The following NPAS2 variants were observed in gnomAD, a reference collection of about 807,000 sequenced individuals.
NPAS2 encodes neuronal PAS domain-containing protein 2.
Under a neutral mutation model 107.5 loss-of-function variants are expected in NPAS2, and 23 were observed. The observed-to-expected ratio is 0.21, with a 90% CI of 0.15 to 0.30. NPAS2 has a LOEUF of 0.30. Among genes scored for constraint, NPAS2 ranks in the 10% least tolerant of loss-of-function variants. The pLI is 1.00. For missense variants in NPAS2, 756 were observed against 1,043.3 expected (o/e 0.72, Z 3.79); for synonymous variants, 403 against 417.5 (o/e 0.97, Z 0.42).
chr2:100,847,527 G>C lies in NPAS2; in HGVS notation c.-23+27113G>C, dbSNP rs577742729. 1.2e-3 allele frequency among the ~76,000 whole-genome samples: 184 copies of C among 151,300 alleles called. 1 individual carries two copies. The highest frequency in any genetic ancestry group is 3.6e-3 in the African/African-American group (150 of 41,498). The stretch of plus-strand genomic sequence containing the variant: ...TGGGACTATAGGCACCCACCACCGC[G>C]CCTGGCTAATTTTTTTGTATTTTTA... On this transcript the variant is annotated intron_variant, in intron 1 of 20. Coordinates refer to ENST00000335681, the MANE Select transcript of NPAS2 (RefSeq NM_002518.4).
intron 15 of NPAS2, among the ~76,000 whole-genome samples, chr2:100,978,663 A>G (rs1426689637): frequency 6.6e-6 from 1 of 152,250 alleles, no homozygotes; most frequent in Non-Finnish European, 1.5e-5. Flanking sequence ...TAAAGATGTA[A>G]GTCAGCCCTT....
At chr2:100,908,969 A>G (rs1682350563) in intron 2 of NPAS2, among the ~76,000 whole-genome samples, 1 of 152,250 alleles carries the variant, frequency 6.6e-6, no homozygotes, top group African/African-American at 2.4e-5. Context: ...CAATGTCAAT[A>G]AAGTGGTTCA....
intron 1 of NPAS2, among the ~76,000 whole-genome samples, chr2:100,857,284 G>T (rs1336233114): frequency 7.1e-6 from 1 of 140,242 alleles, no homozygotes; most frequent in African/African-American, 2.8e-5. Flanking sequence ...GGCGACAAGA[G>T]TGAAACTCCT....
At chr2:100,870,958 A>G (rs1371886592) in intron 1 of NPAS2, among the ~76,000 whole-genome samples, 1 of 152,222 alleles carries the variant, frequency 6.6e-6, no homozygotes, top group Non-Finnish European at 1.5e-5. Flanking sequence ...GTCTTTTATC[A>G]TTCAGAAGAT....
chr2:100,974,955 G>C lies in NPAS2; in HGVS notation c.1282+11G>C, dbSNP rs1676871689. 1 of 1,613,410 alleles carries C rather than the reference G, an allele frequency of 6.2e-7. No homozygotes were observed. The highest frequency in any genetic ancestry group is 8.5e-7 in the Non-Finnish European group (1 of 1,179,684). On this transcript the variant is annotated intron_variant, in intron 13 of 20. Transcript: ENST00000335681. ...TGTCAGAACCCACCTGTGAGTGCGA[G>C]TCCATGGATGGGGAGTGGGATGTCC...
chr2:100,873,307 T>TATACACACACACACAC (rs1280164445), intron 1 of NPAS2, among the ~76,000 whole-genome samples: 2 of 41,894 alleles, frequency 4.8e-5, no homozygotes, highest in East Asian at 1.5e-3. Flanking sequence ...TATATATATA[T>TATACACACACACACAC]ACACACACAC....
chr2:100,821,022 G>A (rs757292029), intron 1 of NPAS2: 2 of 1,302,038 alleles, frequency 1.5e-6, no homozygotes, highest in South Asian at 2.5e-5. Context: ...AGCTCCCCAG[G>A]TTGGATGTAT....
intron 1 of NPAS2, among the ~76,000 whole-genome samples, chr2:100,880,792 G>C (rs1406579880): frequency 6.6e-6 from 1 of 152,200 alleles, no homozygotes; most frequent in Non-Finnish European, 1.5e-5. Flanking sequence ...TCTGAGGGCT[G>C]TCATTCTGTG....
intron 1 of NPAS2, among the ~76,000 whole-genome samples, chr2:100,879,678 T>A (rs752006576): frequency 1.4e-4 from 21 of 152,220 alleles, no homozygotes; most frequent in Non-Finnish European, 3.1e-4. Context: ...ACCTCCTGAT[T>A]CCCTTTTTAG....
intron 2 of NPAS2, among the ~76,000 whole-genome samples, chr2:100,907,915 CTTGA>C (rs1213607286): frequency 6.6e-6 from 1 of 152,264 alleles, no homozygotes; most frequent in East Asian, 1.9e-4. Flanking sequence ...AAGGAAACAG[CTTGA>C]TTGAGAGATA....
chr2:100,852,131 T>A (rs61471958), intron 1 of NPAS2, among the ~76,000 whole-genome samples: 21,713 of 152,042 alleles, frequency 0.14, 1,832 homozygotes, highest in South Asian at 0.22. Flanking sequence ...GCACGGTGGC[T>A]CCTGCCTGTA....
intron 1 of NPAS2, among the ~76,000 whole-genome samples, chr2:100,875,602 A>T (rs957710017): frequency 1.3e-5 from 2 of 152,122 alleles, no homozygotes; most frequent in Admixed American, 1.3e-4. Context: ...CGGCTCCTGG[A>T]CGCGCAGCTT....
intron 2 of NPAS2, among the ~76,000 whole-genome samples, chr2:100,912,075 T>G (rs1382300348): frequency 6.6e-6 from 1 of 152,200 alleles, no homozygotes; most frequent in African/African-American, 2.4e-5. Flanking sequence ...CTCTTAAAAC[T>G]GTGAGCACCT....
At position 100,976,070 on chromosome 2, in the gene NPAS2, G is replaced by A. The variant is rs1243452551; in HGVS notation, c.1392+503G>A. Among the ~76,000 whole-genome samples, 1 of 152,158 alleles carries A rather than the reference G, an allele frequency of 6.6e-6. No individual in the cohort carries two copies. ...CACCACTCTGGTCATCTATTGCCAG[G>A]TAGCAAACTACACCTAACTTAGTGG... On this transcript the variant is annotated intron_variant, in intron 14 of 20. Transcript: ENST00000335681. This position sits in a 1 kb window ranked among gnomAD's most constrained non-coding sequence, Gnocchi z 4.1.
At chr2:100,835,913 A>T (rs996442827) in intron 1 of NPAS2, among the ~76,000 whole-genome samples, 1 of 152,190 alleles carries the variant, frequency 6.6e-6, no homozygotes, top group African/African-American at 2.4e-5. Flanking sequence ...ATGTAATATA[A>T]AGGAAATACA....
chr2:100,854,655 G>T (rs1243764417), intron 1 of NPAS2, among the ~76,000 whole-genome samples: 1 of 152,216 alleles, frequency 6.6e-6, no homozygotes, highest in East Asian at 1.9e-4. Context: ...TAGGAGGCCA[G>T]GGTCAGGTGC....
At chr2:100,981,567 G>C (rs12616700) in intron 15 of NPAS2, among the ~76,000 whole-genome samples, 2,383 of 152,250 alleles carry the variant, frequency 0.016, 63 homozygotes, top group South Asian at 0.095. Context: ...AACAATCACC[G>C]TGTCTTTACC....
chr2:100,916,290 A>G (rs1394124319), intron 2 of NPAS2, among the ~76,000 whole-genome samples: 1 of 152,202 alleles, frequency 6.6e-6, no homozygotes, highest in Admixed American at 6.5e-5. Flanking sequence ...TGCCAACTAA[A>G]AAACAGATTT....
intron 5 of NPAS2, among the ~76,000 whole-genome samples, chr2:100,942,677 C>G (rs1469764959): frequency 1.3e-5 from 2 of 152,118 alleles, no homozygotes; most frequent in Non-Finnish European, 2.9e-5. Context: ...CCTGTCTGCC[C>G]CTTTTTCGTC....
Sources: allele counts gnomAD v4.1 joint callset (sites outside exome capture counted in the v4.1 genomes callset), GRCh38; gene constraint gnomAD v4.1.1; non-coding constraint Gnocchi (gnomAD v3.1); transcripts MANE v1.5; gene names NCBI Gene and HGNC (gene_info 2026-07-23, HGNC 2026-07-21).